ZAN: variants seen among roughly 807,000 people sequenced by gnomAD.
ZAN encodes the protein zonadhesin, also known as zonadhesin (gene/pseudogene).
In ZAN, 260 loss-of-function variants were observed where a neutral mutation model predicts 286.2. The observed-to-expected ratio is 0.91, with a 90% CI of 0.82 to 1.01. The LOEUF (loss-of-function observed/expected upper bound fraction) is 1.01. Among genes scored for constraint, ZAN ranks in the 50% least tolerant of loss-of-function variants. The pLI is 0.00. For synonymous variants in ZAN, 1,368 were observed against 1,417.5 expected, an observed-to-expected ratio of 0.97 and a Z score of 0.79; for missense variants, 3,410 against 3,639.2, an observed-to-expected ratio of 0.94 and a Z score of 1.62.
chr7:100,773,519 C>T (rs759757199), intron 30 of ZAN, 26 bp downstream of exon 30: 40 of 1,609,428 alleles, frequency 2.5e-5, no homozygotes, highest in Admixed American at 1.0e-4. Flanking sequence ...GGAGGGGCCC[C>T]GCCCTTTCCA....
At chr7:100,766,985 G>A in intron 24 of ZAN, 25 bp from the exon 25 acceptor site, 1 of 1,611,616 alleles carries the variant, frequency 6.2e-7, no homozygotes, top group Non-Finnish European at 8.5e-7. Flanking sequence ...GAGTGAGACT[G>A]TGAACTCCAT....
At chr7:100,771,140 A>C (rs556989277) in intron 28 of ZAN, among the ~76,000 whole-genome samples, 1 of 151,538 alleles carries the variant, frequency 6.6e-6, no homozygotes, top group South Asian at 2.1e-4. Flanking sequence ...AGGTCTTGCT[A>C]TGCAGCCCAG....
rs746481671 is a variant in ZAN, at chr7:100,797,317, C to T, written c.8267-49C>T. ...AAAAGGGAGTACCCCTCAGTCCCCA[C>T]CCTTCCCGTCTCACGTTCGACCTAA... is the stretch of plus-strand genomic sequence containing the variant. On this transcript the variant is annotated intron_variant, in intron 45 of 47. Coordinates refer to ENST00000613979, the MANE Select transcript of ZAN (RefSeq NM_003386.3). 3.2e-6 allele frequency: 5 copies of T among 1,580,860 alleles called. No individual in the cohort carries two copies. In the Admixed American group the frequency reaches 8.5e-5, roughly 27 times the overall value.
chr7:100,796,421 C>CTTTTT (rs144829996), intron 45 of ZAN, among the ~76,000 whole-genome samples: 1 of 120,380 alleles, frequency 8.3e-6, no homozygotes. Context: ...CAGGAATCTG[C>CTTTTT]TTTTTTTTTT....
rs768272934 is a variant in ZAN, at chr7:100,752,498, C to G, written c.2393C>G (p.Thr798Arg). 5.0e-6 allele frequency: 8 copies of G among 1,611,170 alleles called. No individual in the cohort carries two copies. Among genetic ancestry groups the G allele is most frequent in the South Asian group, 1.1e-5 (1 of 90,896 alleles). ...TIPTEKPTISTEEPTTPTEET... is the reference protein window; with the variant it reads ...TIPTEKPTISREEPTTPTEET... Reference sequence around the variant, plus strand: ...CCCACAGAAAAACCCACCATCTCCACAGAAGAGCCCACCACCCCCACTGAG... The same window carrying G: ...CCCACAGAAAAACCCACCATCTCCAGAGAAGAGCCCACCACCCCCACTGAG... Residue 798 changes from threonine (T) to arginine (R), a missense_variant, in exon 14 of 48, where the codon ACA becomes AGA. Transcript: ENST00000613979.
intron 19 of ZAN, 79 bp downstream of exon 19, chr7:100,760,615 C>G: frequency 1.3e-6 from 2 of 1,546,336 alleles, no homozygotes; most frequent in Non-Finnish European, 1.8e-6. Flanking sequence ...TGCTGCCCAC[C>G]CTGCCCACTC....
rs781202017 is a variant in ZAN, at chr7:100,775,769, T to A, written c.6128T>A (p.Val2043Glu). 1 of 1,613,758 alleles carries A rather than the reference T, an allele frequency of 6.2e-7. No individual in the cohort carries two copies. Among genetic ancestry groups the A allele is most frequent in the South Asian group, 1.1e-5 (1 of 91,078 alleles). ...IYSIVNIKIG[V>E]QVKFDGNHLL... Reference sequence around the variant, plus strand: ...AGCATTGTTAACATCAAGATCGGGGTGCAAGTCAAGTTTGACGGGAATCAT... The same window carrying A: ...AGCATTGTTAACATCAAGATCGGGGAGCAAGTCAAGTTTGACGGGAATCAT... Residue 2043 changes from valine to glutamate, a missense_variant, in exon 33 of 48, where the codon GTG becomes GAG. Around this residue, in one of 7 missense-constraint regions of ZAN, gnomAD observed 1,289 missense variants for 1,314.3 expected, o/e 0.98. Coordinates refer to ENST00000613979, the MANE Select transcript of ZAN (RefSeq NM_003386.3).
intron 11 of ZAN, among the ~76,000 whole-genome samples, chr7:100,750,054 A>G (rs1192501211): frequency 7.8e-6 from 1 of 128,090 alleles, no homozygotes; most frequent in East Asian, 2.3e-4. Context: ...CCATCTCAAA[A>G]AAACAACACA....
chr7:100,795,075 C>A, intron 44 of ZAN, 121 bp from the exon 45 acceptor site: 2 of 1,330,750 alleles, frequency 1.5e-6, no homozygotes. Flanking sequence ...CTGGCTGACC[C>A]CTGGCCAGTC....
chr7:100,762,231 C>T lies in ZAN; in HGVS notation c.3859C>T (p.Leu1287Phe), dbSNP rs765846566. The change falls in exon 20 of 48, where the codon CTC (leucine) becomes TTC (phenylalanine). Residue 1287 changes from leucine (L) to phenylalanine (F), a missense_variant. Around this residue, in one of 7 missense-constraint regions of ZAN, gnomAD observed 1,042 missense variants for 1,058.0 expected, o/e 0.98. Coordinates refer to ENST00000613979, the MANE Select transcript of ZAN (RefSeq NM_003386.3). ...VTVSSTYSGK[L>F]CGLCGNYDGN... ...TTCCCCTAGCACATACTCTGGCAAA[C>T]TCTGTGGTTTGTGTGGGAACTATGA... 42 of 1,613,124 alleles carry T rather than the reference C, an allele frequency of 2.6e-5. No individual in the cohort carries two copies. The South Asian group carries it at 4.5e-4, about 17-fold the overall frequency.
At position 100,748,124 on chromosome 7, in the gene ZAN, C is replaced by T; in HGVS notation, c.1024-13C>T. 1.2e-6 allele frequency: 2 copies of T among 1,613,152 alleles called. No homozygotes were observed. The highest frequency in any genetic ancestry group is 1.7e-6 in the Non-Finnish European group (2 of 1,179,288). ...TGTGTGCTCACTCCTGCTCCATCTC[C>T]CTTTCTCTCCAGTTTGCCGTGGTAG... On this transcript the variant is annotated splice_polypyrimidine_tract_variant and intron_variant, in intron 9 of 47. Transcript: ENST00000613979.
intron 9 of ZAN, 80 bp downstream of exon 9, chr7:100,747,721 T>G: frequency 7.3e-7 from 1 of 1,370,146 alleles, no homozygotes; most frequent in Non-Finnish European, 1.0e-6. Flanking sequence ...CCTGGTGCTG[T>G]GGCTCATGCC....
intron 35 of ZAN, among the ~76,000 whole-genome samples, chr7:100,780,548 C>T (rs933957021): frequency 3.3e-5 from 5 of 151,622 alleles, no homozygotes; most frequent in African/African-American, 4.8e-5. Context: ...GTGGTGCATG[C>T]CTGTGGTCCC....
At chr7:100,795,775 G>T (rs1241195549) in intron 45 of ZAN, among the ~76,000 whole-genome samples, 1 of 151,798 alleles carries the variant, frequency 6.6e-6, no homozygotes, top group Non-Finnish European at 1.5e-5. Flanking sequence ...GTGTGGTGGT[G>T]TGCGCCTGTA....
rs775375828 is a variant in ZAN, at chr7:100,758,523, C to G, written c.3452-8C>G. The G allele has an allele frequency of 6.4e-7, 1 of 1,556,116 alleles. No individual in the cohort carries two copies. Among genetic ancestry groups the G allele is most frequent in the East Asian group, 2.4e-5 (1 of 41,154 alleles). ...AGCAGCTTCGCCTGTTCTCCTTCCC[C>G]CTCCCAGCAGGCACTGCCACCTGCT... On this transcript the variant is annotated splice_region_variant and splice_polypyrimidine_tract_variant and intron_variant, in intron 16 of 47. Transcript: ENST00000613979.
intron 31 of ZAN, 52 bp from the exon 32 acceptor site, chr7:100,775,276 C>T (rs571726398): frequency 6.3e-7 from 1 of 1,588,954 alleles, no homozygotes; most frequent in African/African-American, 1.3e-5. Context: ...TCCCAGGGAC[C>T]CTGTACCTGC....
Position 100,763,969 on chromosome 7 carries a change from T to C in ZAN, c.4097+53T>C, listed in dbSNP as rs1382541523. 6.2e-7 allele frequency: 1 copy of C among 1,613,574 alleles called. No individual in the cohort carries two copies. The highest frequency in any genetic ancestry group is 1.3e-5 in the African/African-American group (1 of 74,902). ...CAGGGGCGATGCTTGGCACCTGGGC[T>C]CCTCCAAGGCTCTACCCCCTTCCAC... is the stretch of plus-strand genomic sequence containing the variant. On this transcript the variant is annotated intron_variant, in intron 21 of 47. Transcript: ENST00000613979. This position sits in a 1 kb window ranked among gnomAD's most constrained non-coding sequence, Gnocchi z 4.6.
chr7:100,753,324 A>C, intron 14 of ZAN, 95 bp downstream of exon 14: 1 of 1,339,832 alleles, frequency 7.5e-7, no homozygotes, highest in Non-Finnish European at 1.0e-6. Flanking sequence ...GAAGCCTTCT[A>C]GTTGCTTCTA....
Position 100,746,606 on chromosome 7 carries a change from G to A in ZAN, c.835G>A (p.Val279Met), listed in dbSNP as rs758174128. ...GCAGAAAGCTGTCCTCCTGAGCCCC[G>A]TGAGCCTGTCCTCTGGCTGTCTGAG... Reference protein sequence around the residue: ...PGQKAVLLSPVSLSSGCLSFS... With the variant: ...PGQKAVLLSPMSLSSGCLSFS... The change falls in exon 8 of 48, where the codon GTG becomes ATG. Residue 279 changes from valine (V) to methionine (M), a missense_variant. Physicochemically the swap from Val to Met is conservative, Grantham distance 21 (BLOSUM62 1). Coordinates refer to ENST00000613979, the MANE Select transcript of ZAN (RefSeq NM_003386.3). 20 of 1,613,960 alleles carry A rather than the reference G, an allele frequency of 1.2e-5. No homozygotes were observed. The highest frequency in any genetic ancestry group is 1.6e-4 in the Middle Eastern group (1 of 6,062).
Sources: gnomAD v4.1 joint callset for allele counts (sites outside exome capture counted in the v4.1 genomes callset) on GRCh38, gnomAD v4.1.1 for gene constraint, gnomAD v4.1.1 regional missense constraint, Gnocchi (gnomAD v3.1) non-coding constraint, MANE v1.5 for transcripts, NCBI Gene and HGNC (gene_info 2026-07-23, HGNC 2026-07-21) for gene names.